PGM2: variants seen among roughly 807,000 people sequenced by gnomAD.
The protein encoded by PGM2 is phosphoglucomutase 2.
In PGM2, 57 loss-of-function variants were observed where a neutral mutation model predicts 74.6. The observed-to-expected ratio is 0.76, with a 90% CI of 0.62 to 0.95. The LOEUF (loss-of-function observed/expected upper bound fraction) is 0.95, where lower values mean the gene tolerates loss of function less well. PGM2 is among the 40% of genes least tolerant of loss of function. The pLI is 0.00. For synonymous variants in PGM2, 273 were observed against 260.7 expected (o/e 1.05, Z -0.46); for missense variants, 706 against 741.9 (o/e 0.95, Z 0.56).
intron 2 of PGM2, among the ~76,000 whole-genome samples, chr4:37,833,304 C>T (rs1418856549): frequency 1.3e-5 from 2 of 152,164 alleles, no homozygotes; most frequent in African/African-American, 2.4e-5. Context: ...GCCTGTAATC[C>T]GAGCACTTTA....
intron 6 of PGM2, among the ~76,000 whole-genome samples, chr4:37,844,010 A>G (rs28654631): frequency 0.082 from 12,491 of 152,142 alleles, 979 homozygotes; most frequent in East Asian, 0.18. Context: ...GGGTGTGTGG[A>G]GCCCTGGAAC....
rs1725673552 is a variant in PGM2, at chr4:37,840,238, TTAAA to T, written c.699_702del (p.Lys234SerfsTer8). 1 of 1,606,102 alleles carries T rather than the reference TTAAA, an allele frequency of 6.2e-7. No homozygotes were observed. Among genetic ancestry groups the T allele is most frequent in the African/African-American group, 1.3e-5 (1 of 74,748 alleles). ...ATCAATAATGACTACTTTGAAGACC[TTAAA>T]AAGTACTGTTTCCACAGGTAAATGA... On this transcript the variant is annotated frameshift_variant, in exon 6 of 14. Transcript: ENST00000381967. LOFTEE classifies it high-confidence loss of function.
At chr4:37,850,477 CA>C in intron 12 of PGM2, 104 bp downstream of exon 12, 1 of 672,926 alleles carries the variant, frequency 1.5e-6, no homozygotes, top group Non-Finnish European at 2.3e-6. Flanking sequence ...TGATTTTAGG[CA>C]CTTAGGCGTG....
chr4:37,834,698 T>C lies in PGM2; in HGVS notation c.330T>C (p.His110=), dbSNP rs781148130. 1.5e-5 allele frequency: 24 copies of C among 1,560,266 alleles called. No individual in the cohort carries two copies. In the South Asian group the frequency reaches 2.2e-4, roughly 15 times the overall value. The change falls in exon 3 of 14, where the codon CAT becomes CAC. Residue 110 remains histidine, a synonymous_variant. Transcript: ENST00000381967. ...GIVISFDARA[H]PSSGGSSRRF... is the part of the protein sequence containing the mutation. ...TGATCAGTTTTGACGCCCGAGCTCATCCATCCAGTGGGGGTAGCAGCAGAA... is the reference window on the plus strand; with the variant it reads ...TGATCAGTTTTGACGCCCGAGCTCACCCATCCAGTGGGGGTAGCAGCAGAA...
At chr4:37,843,618 T>A (rs1381128522) in intron 6 of PGM2, among the ~76,000 whole-genome samples, 3 of 151,394 alleles carry the variant, frequency 2.0e-5, no homozygotes, top group African/African-American at 7.3e-5. Context: ...TTATTTTTTT[T>A]TTTTTCCTGA....
At chr4:37,861,364 T>G (rs1711765471) in intron 13 of PGM2, 146 bp from the exon 14 acceptor site, 1 of 582,438 alleles carries the variant, frequency 1.7e-6, no homozygotes. Context: ...TGTTCCATGC[T>G]TAAGTCTCTG....
Position 37,850,213 on chromosome 4 carries a change from A to G in PGM2, c.1442A>G (p.Tyr481Cys), listed in dbSNP as rs1422879423. 1.1e-5 allele frequency: 17 copies of G among 1,576,564 alleles called. No individual in the cohort carries two copies. Among genetic ancestry groups the G allele is most frequent in the African/African-American group, 2.8e-5 (2 of 72,404 alleles). The change falls in exon 12 of 14, where the codon TAT becomes TGT. Residue 481 changes from tyrosine to cysteine, a missense_variant. Coordinates refer to ENST00000381967, the MANE Select transcript of PGM2 (RefSeq NM_018290.4). ...GGCTACCATATTACTAAAGCTTCCT[A>G]TTTTATCTGCCATGATCAAGAAACC... ...EYGYHITKAS[Y>C]FICHDQETIK...
intron 6 of PGM2, among the ~76,000 whole-genome samples, chr4:37,841,704 C>A (rs958118847): frequency 6.6e-6 from 1 of 152,176 alleles, no homozygotes; most frequent in Admixed American, 6.5e-5. Context: ...AGACAAAATA[C>A]GTCTGTGAAC....
At chr4:37,848,467 A>T in intron 10 of PGM2, 55 bp from the exon 11 acceptor site, 1 of 1,491,742 alleles carries the variant, frequency 6.7e-7, no homozygotes, top group Non-Finnish European at 9.2e-7. Context: ...ATTCATACTC[A>T]TATGTGGTTT....
At chr4:37,843,846 C>T (rs970230436) in intron 6 of PGM2, among the ~76,000 whole-genome samples, 3 of 152,056 alleles carry the variant, frequency 2.0e-5, no homozygotes, top group African/African-American at 7.2e-5. Context: ...TGACCTCACA[C>T]GATCCACCTG....
chr4:37,841,096 A>ATGTGTGTG (rs1271141747), intron 6 of PGM2, among the ~76,000 whole-genome samples: 225 of 113,886 alleles, frequency 2.0e-3, no homozygotes, highest in African/African-American at 6.0e-3. Context: ...ATATATATAT[A>ATGTGTGTG]TATATGTGTG....
At chr4:37,855,813 G>GT in intron 13 of PGM2, 72 bp downstream of exon 13, 1 of 1,278,342 alleles carries the variant, frequency 7.8e-7, no homozygotes, top group Non-Finnish European at 1.1e-6. Context: ...CAAATGCCAA[G>GT]TGAAATGTTC....
intron 12 of PGM2, among the ~76,000 whole-genome samples, chr4:37,853,317 T>G (rs1398617561): frequency 5.3e-5 from 8 of 151,584 alleles, no homozygotes; most frequent in Admixed American, 5.3e-4. Flanking sequence ...TTTTTTAGTT[T>G]AGTAGAGACA....
At chr4:37,832,331 T>G (rs1168795578) in intron 2 of PGM2, among the ~76,000 whole-genome samples, 1 of 152,222 alleles carries the variant, frequency 6.6e-6, no homozygotes, top group Non-Finnish European at 1.5e-5. Context: ...CAACCCAGGT[T>G]TCTACCCAGT....
intron 7 of PGM2, 131 bp downstream of exon 7, chr4:37,844,684 T>G (rs114748209): frequency 3.1e-6 from 2 of 638,162 alleles, no homozygotes; most frequent in African/African-American, 3.7e-5. Flanking sequence ...ATATGTATGT[T>G]TGGCTGGGTG....
intron 13 of PGM2, among the ~76,000 whole-genome samples, chr4:37,860,743 A>G (rs1711744071): frequency 6.6e-6 from 1 of 152,234 alleles, no homozygotes; most frequent in Admixed American, 6.6e-5. Context: ...CAGTACTCAC[A>G]CTAGGCTACT....
chr4:37,841,922 G>A (rs890565090), intron 6 of PGM2, among the ~76,000 whole-genome samples: 4 of 152,178 alleles, frequency 2.6e-5, no homozygotes, highest in African/African-American at 9.7e-5. Flanking sequence ...CATTCACAAA[G>A]TTGATAGTGC....
intron 3 of PGM2, among the ~76,000 whole-genome samples, chr4:37,837,169 T>C (rs1725591437): frequency 6.6e-6 from 1 of 152,184 alleles, no homozygotes; most frequent in Non-Finnish European, 1.5e-5. Flanking sequence ...ACATTTCAGA[T>C]GCCTGGAAGG....
Position 37,855,316 on chromosome 4 carries a change from G to A in PGM2, c.1603-292G>A, listed in dbSNP as rs112637486. On this transcript the variant is annotated intron_variant, in intron 12 of 13. Coordinates refer to ENST00000381967, the MANE Select transcript of PGM2 (RefSeq NM_018290.4). Reference sequence around the variant, plus strand: ...TGCGGTATTTGTCTTTCTATGCCTGGCTTATTTCACTCAACATAATGTCTT... The same window carrying A: ...TGCGGTATTTGTCTTTCTATGCCTGACTTATTTCACTCAACATAATGTCTT... 2.8e-3 allele frequency among the ~76,000 whole-genome samples: 420 copies of A among 152,184 alleles called. 3 individuals are homozygous for A. The highest frequency in any genetic ancestry group is 9.4e-3 in the African/African-American group (392 of 41,504).
Sources: gnomAD v4.1 joint callset for allele counts (sites outside exome capture counted in the v4.1 genomes callset) on GRCh38, gnomAD v4.1.1 for gene constraint, MANE v1.5 for transcripts, NCBI Gene and HGNC (gene_info 2026-07-23, HGNC 2026-07-21) for gene names.